The following DFFB variants were observed in gnomAD, a reference collection of about 807,000 sequenced individuals.
DFFB encodes DNA fragmentation factor subunit beta.
DFFB carries 29 observed loss-of-function variants against 32.7 expected under a neutral mutation model. That is an observed-to-expected ratio of 0.89 (90% CI 0.66 to 1.21). The LOEUF (loss-of-function observed/expected upper bound fraction) is 1.21. DFFB is among the 50% of genes most tolerant of loss of function. DFFB has a pLI of 0.00. For synonymous variants in DFFB, 170 were observed against 177.1 expected, an observed-to-expected ratio of 0.96 and a Z score of 0.32; for missense variants, 398 against 440.6, an observed-to-expected ratio of 0.90 and a Z score of 0.87.
chr1:3,868,597 A>G (rs1204516156), intron 4 of DFFB, among the ~76,000 whole-genome samples: 2 of 152,226 alleles, frequency 1.3e-5, no homozygotes, highest in African/African-American at 2.4e-5. Flanking sequence ...ACGCTACACC[A>G]TACCACACCA....
rs781186974 is a variant in DFFB at position 3,858,719 on chromosome 1, T to C, written c.116T>C (p.Leu39Pro). The C allele has an allele frequency of 6.2e-7, 1 of 1,613,776 alleles. No homozygotes were observed. The highest frequency in any genetic ancestry group is 8.5e-7 in the Non-Finnish European group (1 of 1,179,958). ...VLRKGCLRFQ[L>P]PERGSRLCLY... Reference sequence around the variant, plus strand: ...CTGTTGCTTCTCCCGTCCCTGCAGCTCCCTGAGCGCGGTTCCCGGCTGTGC... The same window carrying C: ...CTGTTGCTTCTCCCGTCCCTGCAGCCCCCTGAGCGCGGTTCCCGGCTGTGC... The change falls in exon 2 of 7, where the codon CTC becomes CCC. Residue 39 changes from leucine to proline, a missense_variant and splice_region_variant. Leu to Pro is a moderately conservative substitution (Grantham distance 98). Coordinates refer to ENST00000378209, the MANE Select transcript of DFFB (RefSeq NM_004402.4).
intron 6 of DFFB, among the ~76,000 whole-genome samples, chr1:3,879,554 C>T (rs1468289582): frequency 6.6e-6 from 1 of 152,194 alleles, no homozygotes; most frequent in East Asian, 1.9e-4. Flanking sequence ...TCTGTCTCTG[C>T]CACGTGGGGA....
At chr1:3,881,048 C>T (rs553595812) in intron 6 of DFFB, among the ~76,000 whole-genome samples, 4 of 152,330 alleles carry the variant, frequency 2.6e-5, no homozygotes, top group South Asian at 2.1e-4. Context: ...TCTCTCCCCA[C>T]GCTGAATTCA....
chr1:3,866,127 T>C, intron 3 of DFFB, 127 bp downstream of exon 3: 3 of 782,648 alleles, frequency 3.8e-6, no homozygotes, highest in Non-Finnish European at 6.2e-6. Flanking sequence ...GTGGGGGACT[T>C]GGAAGAAAAT....
At chr1:3,864,760 G>T (rs1557711218) in intron 2 of DFFB, among the ~76,000 whole-genome samples, 1 of 151,756 alleles carries the variant, frequency 6.6e-6, no homozygotes, top group Non-Finnish European at 1.5e-5. Context: ...TGGTTGCCAG[G>T]TTGGTCTCAA....
rs1442302222 is a variant in DFFB at position 3,883,551 on chromosome 1, T to C, written c.827T>C (p.Ile276Thr). 1 of 1,614,042 alleles carries C rather than the reference T, an allele frequency of 6.2e-7. No individual in the cohort carries two copies. Among genetic ancestry groups the C allele is most frequent in the Non-Finnish European group, 8.5e-7 (1 of 1,180,040 alleles). The change falls in exon 7 of 7, where the codon ATT (isoleucine) becomes ACT (threonine). Residue 276 changes from isoleucine to threonine, a missense_variant. Ile to Thr is a moderately conservative substitution (Grantham distance 89). Coordinates refer to ENST00000378209, the MANE Select transcript of DFFB (RefSeq NM_004402.4). ...ATCATTCCTACACTGGTGGAAGCAA[T>C]TAAGGAACAAGATGGAAGAGAAGTG... ...RTIIPTLVEA[I>T]KEQDGREVDW...
intron 2 of DFFB, among the ~76,000 whole-genome samples, chr1:3,864,343 A>C (rs1644934126): frequency 6.6e-6 from 1 of 152,188 alleles, no homozygotes. Flanking sequence ...AATAAAGAAA[A>C]GAAACTGCCA....
Position 3,858,701 on chromosome 1 carries a change from T to G in DFFB, c.115-17T>G. 6.2e-7 allele frequency: 1 copy of G among 1,612,474 alleles called. No individual in the cohort carries two copies. Among genetic ancestry groups the G allele is most frequent in the Non-Finnish European group, 8.5e-7 (1 of 1,179,116 alleles). ...TTGAGACCCTTCCTCCTCCTGTTGC[T>G]TCTCCCGTCCCTGCAGCTCCCTGAG... On this transcript the variant is annotated splice_polypyrimidine_tract_variant and intron_variant, in intron 1 of 6. Coordinates refer to ENST00000378209, the MANE Select transcript of DFFB (RefSeq NM_004402.4).
chr1:3,860,426 G>A (rs545161233), intron 2 of DFFB: 24 of 436,638 alleles, frequency 5.5e-5, no homozygotes, highest in Middle Eastern at 3.9e-4. Flanking sequence ...ATAGGGTTTC[G>A]CCATGTTTCC....
At chr1:3,862,872 G>A (rs990627641) in intron 2 of DFFB, among the ~76,000 whole-genome samples, 51 of 152,268 alleles carry the variant, frequency 3.3e-4, no homozygotes, top group Middle Eastern at 6.8e-3. Flanking sequence ...ACTCTGGCCC[G>A]GGCACGGTGG....
At position 3,865,108 on chromosome 1, in the gene DFFB, G is replaced by A. The variant is rs1423847363; in HGVS notation, c.242-704G>A. The stretch of plus-strand genomic sequence containing the variant: ...TTGCGGAGTAAGAGTTTTTAGTTTT[G>A]AGGAAGCTCAGTGTGTTGATTTTCT... On this transcript the variant is annotated intron_variant, in intron 2 of 6. Transcript: ENST00000378209. The surrounding 1 kb of genome is among the most constrained non-coding windows in gnomAD (Gnocchi z 4.7). Among the ~76,000 whole-genome samples the A allele has an allele frequency of 6.7e-6, 1 of 150,138 alleles. No individual in the cohort carries two copies. Among genetic ancestry groups the A allele is most frequent in the Non-Finnish European group, 1.5e-5 (1 of 67,762 alleles).
intron 6 of DFFB, among the ~76,000 whole-genome samples, chr1:3,874,147 C>T (rs1377029982): frequency 5.3e-5 from 8 of 151,344 alleles, no homozygotes; most frequent in South Asian, 2.1e-4. Context: ...TTACCACACG[C>T]GTGTGAGTTT....
intron 6 of DFFB, chr1:3,872,975 A>G (rs1032160365): frequency 4.0e-6 from 5 of 1,255,034 alleles, no homozygotes; most frequent in Non-Finnish European, 4.1e-6. Context: ...TGGTGTTATG[A>G]TAGGTAAGGG....
At position 3,883,685 on chromosome 1, in the gene DFFB, A is replaced by T; in HGVS notation, c.961A>T (p.Ile321Phe). The change falls in exon 7 of 7, where the codon ATC becomes TTC. Residue 321 changes from isoleucine (I) to phenylalanine (F), a missense_variant. Coordinates refer to ENST00000378209, the MANE Select transcript of DFFB (RefSeq NM_004402.4). ...CAAGCTCAACTGTGACCCAAGCAGA[A>T]TCTACAAACCCCAGACAAGGTTGAA... ...THKLNCDPSR[I>F]YKPQTRLKRK... is the part of the protein sequence containing the mutation. The T allele has an allele frequency of 1.9e-6, 3 of 1,614,160 alleles. No homozygotes were observed. The highest frequency in any genetic ancestry group is 2.5e-6 in the Non-Finnish European group (3 of 1,180,038).
At chr1:3,873,219 C>T (rs376318390) in intron 6 of DFFB, 13 of 175,080 alleles carry the variant, frequency 7.4e-5, no homozygotes, top group Non-Finnish European at 1.4e-4. Flanking sequence ...GTTTCACAGC[C>T]GTACGAGCTC....
chr1:3,858,979 T>A, intron 2 of DFFB, 135 bp downstream of exon 2: 1 of 1,334,856 alleles, frequency 7.5e-7, no homozygotes, highest in Non-Finnish European at 1.0e-6. Context: ...GAGGAAGCCC[T>A]CTGGAGGCAG....
chr1:3,876,901 C>T (rs1645233319), intron 6 of DFFB, among the ~76,000 whole-genome samples: 1 of 152,238 alleles, frequency 6.6e-6, no homozygotes, highest in African/African-American at 2.4e-5. Context: ...TGGCCCAGAG[C>T]CCATGCGGTT....
intron 2 of DFFB, among the ~76,000 whole-genome samples, chr1:3,864,900 AGTGTTTCT>A (rs1436992406): frequency 6.6e-6 from 1 of 152,060 alleles, no homozygotes; most frequent in Non-Finnish European, 1.5e-5. Context: ...TCCTTGGTGA[AGTGTTTCT>A]TCCTGTCTCT....
chr1:3,868,111 G>C, intron 4 of DFFB, 58 bp downstream of exon 4: 1 of 1,488,066 alleles, frequency 6.7e-7, no homozygotes. Flanking sequence ...GGCTCTGTGG[G>C]CTCTGGAAGC....
Sources: gnomAD v4.1 joint callset for allele counts (sites outside exome capture counted in the v4.1 genomes callset) on GRCh38, gnomAD v4.1.1 for gene constraint, Gnocchi (gnomAD v3.1) non-coding constraint, MANE v1.5 for transcripts, NCBI Gene and HGNC (gene_info 2026-07-23, HGNC 2026-07-21) for gene names.